Variants in GAB1 observed in about 807,000 individuals in gnomAD.
GAB1 encodes the protein GRB2 associated binding protein 1, also known as GRB2-associated-binding protein 1.
In GAB1, 19 loss-of-function variants were observed where a neutral mutation model predicts 66.5. The ratio of observed to expected loss-of-function variants is 0.29; its 90% CI spans 0.20 to 0.42. The LOEUF is 0.42. GAB1 is among the 10% of genes least tolerant of loss of function. The pLI is 1.00. For missense variants in GAB1, 732 were observed against 858.5 expected (o/e 0.85, Z 1.84); for synonymous variants, 294 against 301.4 (o/e 0.98, Z 0.25).
intron 2 of GAB1, chr4:143,426,006 C>CA (rs1221212593): frequency 5.4e-5 from 34 of 635,284 alleles, no homozygotes; most frequent in Admixed American, 1.4e-4. Flanking sequence ...TTAAAAATTA[C>CA]AAAAAAAGAA....
At chr4:143,387,660 T>G (rs1730980345) in intron 1 of GAB1, among the ~76,000 whole-genome samples, 1 of 152,158 alleles carries the variant, frequency 6.6e-6, no homozygotes, top group African/African-American at 2.4e-5. Context: ...GTCAGACTCT[T>G]TCCTCCCATT....
In GAB1 at chr4:143,407,704, G is replaced by A. The variant is rs970695632; in HGVS notation, c.73-7773G>A. On this transcript the variant is annotated intron_variant, in intron 1 of 9. Coordinates refer to ENST00000262994, the MANE Select transcript of GAB1 (RefSeq NM_002039.4). ...AGATGATCATAATGATAGAGCCAGT[G>A]GAGTGGAAACTTCCACCGAGCCTGT... Among the ~76,000 whole-genome samples, 6 of 152,238 alleles carry A rather than the reference G, an allele frequency of 3.9e-5. No individual in the cohort carries two copies. The South Asian group carries it at 6.2e-4, about 16-fold the overall frequency.
chr4:143,341,394 AAAGT>A (rs1728818985), intron 1 of GAB1, among the ~76,000 whole-genome samples: 1 of 152,248 alleles, frequency 6.6e-6, no homozygotes, highest in Non-Finnish European at 1.5e-5. Context: ...GTCTGTAAAT[AAAGT>A]ATTGTTTCAA....
rs115760871 is a variant in GAB1, at chr4:143,358,957, G to A, written c.72+21697G>A. Among the ~76,000 whole-genome samples, 414 of 152,262 alleles carry A rather than the reference G, an allele frequency of 2.7e-3. 3 individuals carry two copies. Among genetic ancestry groups the A allele is most frequent in the African/African-American group, 9.5e-3 (396 of 41,548 alleles). On this transcript the variant is annotated intron_variant, in intron 1 of 9. Transcript: ENST00000262994. ...TGTAGTAAGGTTTAACTTCTATCCC[G>A]GTTCCAACTTGTCCTGCTGTCAGCT...
intron 2 of GAB1, among the ~76,000 whole-genome samples, chr4:143,431,317 C>T (rs535171593): frequency 1.3e-5 from 2 of 152,258 alleles, no homozygotes; most frequent in African/African-American, 4.8e-5. Flanking sequence ...ACAGAGGTCT[C>T]TCCCCTCTCA....
At chr4:143,340,533 T>C (rs550320175) in intron 1 of GAB1, among the ~76,000 whole-genome samples, 32 of 152,242 alleles carry the variant, frequency 2.1e-4, no homozygotes, top group African/African-American at 7.2e-4. Context: ...TTTTTTGAGA[T>C]GGAGTCTTGC....
chr4:143,471,459 C>G lies in GAB1; in HGVS notation c.*2270C>G, dbSNP rs1435613214. 1.3e-5 allele frequency: 2 copies of G among 152,012 alleles called. No homozygotes were observed. The highest frequency in any genetic ancestry group is 3.8e-4 in the East Asian group (2 of 5,198). The allele number at this position is 152,012 out of a possible 1,614,324, so 9.4% of individuals were successfully genotyped here. A position where few individuals can be genotyped will look rare whatever the true frequency, so the allele number is the denominator to read the frequency against. On this transcript the variant is annotated 3_prime_UTR_variant, in exon 10 of 10. Transcript: ENST00000262994. ...TTAGATGAAATTTTATGTATAACCC[C>G]AATACATAAAGCCTGAAAACTCAAT...
intron 1 of GAB1, among the ~76,000 whole-genome samples, chr4:143,348,961 A>T (rs561586715): frequency 3.4e-4 from 51 of 151,454 alleles, no homozygotes; most frequent in Non-Finnish European, 1.9e-4. Context: ...CCTTCTCTGA[A>T]CTCCACCACC....
chr4:143,440,168 A>G lies in GAB1; in HGVS notation c.1371A>G (p.Arg457=), dbSNP rs748312293. The change falls in exon 6 of 10, where the codon CGA becomes CGG. Residue 457 remains arginine (R), a synonymous_variant. Transcript: ENST00000262994. ...CAATGAATCCCAATTCACCACCACGACAACATTCCAGCAGTTTTACAGAAC... is the reference window on the plus strand; with the variant it reads ...CAATGAATCCCAATTCACCACCACGGCAACATTCCAGCAGTTTTACAGAAC... ...YVPMNPNSPP[R]QHSSSFTEPI... is the part of the protein sequence containing the mutation. The G allele has an allele frequency of 1.9e-5, 31 of 1,614,068 alleles. No individual in the cohort carries two copies. The highest frequency in any genetic ancestry group is 1.6e-4 in the Middle Eastern group (1 of 6,084).
At chr4:143,442,153 G>C (rs376703907) in intron 6 of GAB1, among the ~76,000 whole-genome samples, 27 of 152,324 alleles carry the variant, frequency 1.8e-4, no homozygotes, top group African/African-American at 6.3e-4. Flanking sequence ...GGTTCATACA[G>C]ATCACTGAAG....
chr4:143,341,184 T>C (rs1006881944), intron 1 of GAB1, among the ~76,000 whole-genome samples: 7 of 152,214 alleles, frequency 4.6e-5, no homozygotes, highest in Admixed American at 6.5e-5. Flanking sequence ...TGCTGTGTTA[T>C]ATATTAAACA....
chr4:143,452,865 T>C (rs1353181354), intron 6 of GAB1, among the ~76,000 whole-genome samples: 1 of 152,224 alleles, frequency 6.6e-6, no homozygotes, highest in African/African-American at 2.4e-5. Context: ...ATGAGTTCTC[T>C]ATTTATTCTC....
At chr4:143,340,063 T>C (rs574761490) in intron 1 of GAB1, among the ~76,000 whole-genome samples, 1 of 151,872 alleles carries the variant, frequency 6.6e-6, no homozygotes, top group South Asian at 2.1e-4. Context: ...GTATTTTACC[T>C]GTCAGGTTGG....
rs28925938 is a variant in GAB1 at position 143,457,488 on chromosome 4, T to C, written c.1586-1897T>C. Among the ~76,000 whole-genome samples the C allele has an allele frequency of 9.5e-4, 144 of 152,272 alleles. 1 individual carries two copies. The highest frequency in any genetic ancestry group is 3.4e-3 in the African/African-American group (142 of 41,564). On this transcript the variant is annotated intron_variant, in intron 6 of 9. Transcript: ENST00000262994. ...GTTGCATGTAAATTCCTCTTTTCCA[T>C]TGTGCTGAGCATGAGCATGAATTTT...
At chr4:143,427,421 C>T (rs1443868051) in intron 2 of GAB1, among the ~76,000 whole-genome samples, 12 of 151,848 alleles carry the variant, frequency 7.9e-5, no homozygotes, top group African/African-American at 2.7e-4. Context: ...ATAGACAAAC[C>T]GGGTTATTAA....
intron 1 of GAB1, among the ~76,000 whole-genome samples, chr4:143,397,007 A>G (rs1731487921): frequency 6.6e-6 from 1 of 152,216 alleles, no homozygotes; most frequent in South Asian, 2.1e-4. Context: ...GAAGGTAGGT[A>G]GAACTTGGGT....
intron 1 of GAB1, among the ~76,000 whole-genome samples, chr4:143,382,398 G>C (rs1382196129): frequency 2.0e-5 from 3 of 152,172 alleles, no homozygotes; most frequent in Non-Finnish European, 2.9e-5. Flanking sequence ...AATAACAAGT[G>C]AAAGTGTGTT....
At chr4:143,409,269 C>G (rs13435656) in intron 1 of GAB1, among the ~76,000 whole-genome samples, 1 of 152,058 alleles carries the variant, frequency 6.6e-6, no homozygotes, top group South Asian at 2.1e-4. Context: ...TGGGTGCTGT[C>G]TGAGGCCATC....
intron 2 of GAB1, among the ~76,000 whole-genome samples, chr4:143,423,789 A>AGT (rs35589450): frequency 1.2e-3 from 97 of 83,462 alleles, no homozygotes; most frequent in Non-Finnish European, 1.7e-3. Context: ...AAAAAAAAAA[A>AGT]GTGTATATAT....
Sources: allele counts gnomAD v4.1 joint callset (sites outside exome capture counted in the v4.1 genomes callset), GRCh38; gene constraint gnomAD v4.1.1; transcripts MANE v1.5; gene names NCBI Gene and HGNC (gene_info 2026-07-23, HGNC 2026-07-21).